UBE2K: variants seen among roughly 807,000 people sequenced by gnomAD.
UBE2K encodes ubiquitin conjugating enzyme E2 K.
In UBE2K, 6 loss-of-function variants were observed where a neutral mutation model predicts 30.0. That is an observed-to-expected ratio of 0.20 (90% CI 0.11 to 0.39). UBE2K has a LOEUF of 0.39. UBE2K is among the 10% of genes least tolerant of loss of function. The pLI is 1.00. For synonymous variants in UBE2K, 86 were observed against 83.7 expected, an observed-to-expected ratio of 1.03 and a Z score of -0.15; for missense variants, 61 against 241.6, an observed-to-expected ratio of 0.25 and a Z score of 4.96.
At chr4:39,751,092 T>C (rs1445630692) in intron 3 of UBE2K, among the ~76,000 whole-genome samples, 1 of 150,722 alleles carries the variant, frequency 6.6e-6, no homozygotes, top group African/African-American at 2.4e-5. Flanking sequence ...TTCAAAATTC[T>C]TTTTTCTTTT....
intron 2 of UBE2K, 144 bp from the exon 3 acceptor site, chr4:39,745,608 G>C (rs1425798670): frequency 4.9e-6 from 3 of 608,588 alleles, no homozygotes; most frequent in Non-Finnish European, 8.5e-6. Flanking sequence ...TAGTGCTTTT[G>C]ATTACTTTCT....
At position 39,757,011 on chromosome 4, in the gene UBE2K, G is replaced by GTTTTTTTTTT. The variant is rs1354761879; in HGVS notation, c.299+1278_299+1279insTTTTTTTTTT. Among the ~76,000 whole-genome samples the GTTTTTTTTTT allele has an allele frequency of 1.1e-3, 84 of 76,816 alleles. 4 individuals carry two copies. The highest frequency in any genetic ancestry group is 2.5e-3 in the East Asian group (5 of 2,010). The allele number at this position is 76,816 out of a possible 152,430, so 50.4% of individuals were successfully genotyped here. A position where few individuals can be genotyped will look rare whatever the true frequency, so the allele number is the denominator to read the frequency against. On this transcript the variant is annotated intron_variant, in intron 4 of 6. Coordinates refer to ENST00000261427, the MANE Select transcript of UBE2K (RefSeq NM_005339.5). ...ATGTTTTTTTGGGTGTTTTTTTTTT[G>GTTTTTTTTTT]TTTTTTGTTTTTTGTTTTTTGTTTT...
Position 39,753,546 on chromosome 4 carries a change from C to T in UBE2K, c.217-2111C>T, listed in dbSNP as rs188767155. Among the ~76,000 whole-genome samples the T allele has an allele frequency of 3.9e-5, 6 of 152,064 alleles. No individual in the cohort carries two copies. The East Asian group carries it at 9.7e-4, about 25-fold the overall frequency. On this transcript the variant is annotated intron_variant, in intron 3 of 6. Transcript: ENST00000261427. ...GGATACAGTGTCTTTTAGGGAAGAC[C>T]GGACAAACAAGGCAGAAATCACAGA...
chr4:39,758,723 TC>T (rs1711664740), intron 4 of UBE2K, among the ~76,000 whole-genome samples: 1 of 151,988 alleles, frequency 6.6e-6, no homozygotes, highest in South Asian at 2.1e-4. Flanking sequence ...GATGAAAACT[TC>T]CCATTGACTT....
chr4:39,747,785 T>TTTG (rs1054044884), intron 3 of UBE2K, among the ~76,000 whole-genome samples: 5 of 151,698 alleles, frequency 3.3e-5, no homozygotes, highest in South Asian at 2.1e-4. Flanking sequence ...CCCGGCTAAT[T>TTTG]TTGTTGTTGT....
In UBE2K at chr4:39,774,294, A is replaced by G. The variant is rs575051210; in HGVS notation, c.300-540A>G. Among the ~76,000 whole-genome samples the G allele has an allele frequency of 2.6e-5, 4 of 151,860 alleles. No homozygotes were observed. In the East Asian group the frequency reaches 7.7e-4, roughly 29 times the overall value. ...CCACTCCAGCCTGAGCGGCAGAGCAAGACACTGTCATTAAAAAAAAGAAAA... is the reference window on the plus strand; with the variant it reads ...CCACTCCAGCCTGAGCGGCAGAGCAGGACACTGTCATTAAAAAAAAGAAAA... On this transcript the variant is annotated intron_variant, in intron 4 of 6. Transcript: ENST00000261427.
At chr4:39,715,098 T>C (rs1174382671) in intron 1 of UBE2K, among the ~76,000 whole-genome samples, 1 of 149,024 alleles carries the variant, frequency 6.7e-6, no homozygotes, top group African/African-American at 2.5e-5. Flanking sequence ...CGATCTCGGC[T>C]CACTGCAAGC....
intron 4 of UBE2K, chr4:39,770,529 C>A: frequency 6.2e-7 from 1 of 1,603,468 alleles, no homozygotes; most frequent in East Asian, 2.2e-5. Flanking sequence ...CCCCGCCCCC[C>A]GGGCAACCAT....
At chr4:39,714,576 C>G (rs1447520560) in intron 1 of UBE2K, 1 of 46,684 alleles carries the variant, frequency 2.1e-5, no homozygotes, top group Non-Finnish European at 3.9e-5. Context: ...AAGACTGAGT[C>G]TCTCTCTGTT....
chr4:39,775,450 G>A (rs1262506366), intron 5 of UBE2K, among the ~76,000 whole-genome samples: 1 of 152,162 alleles, frequency 6.6e-6, no homozygotes, highest in African/African-American at 2.4e-5. Flanking sequence ...TATCTGACCT[G>A]TTAAGAAACA....
chr4:39,731,144 C>A (rs1176785047), intron 1 of UBE2K, among the ~76,000 whole-genome samples: 1 of 152,124 alleles, frequency 6.6e-6, no homozygotes, highest in East Asian at 1.9e-4. Flanking sequence ...CCGCCTGCCT[C>A]AGCCTCCCAA....
At chr4:39,748,638 AAAAG>A (rs1344547167) in intron 3 of UBE2K, among the ~76,000 whole-genome samples, 10 of 151,844 alleles carry the variant, frequency 6.6e-5, no homozygotes, top group East Asian at 1.9e-4. Context: ...AAAAAAAAGA[AAAAG>A]AAAAGCCTCT....
chr4:39,760,129 A>G (rs574721663), intron 4 of UBE2K, among the ~76,000 whole-genome samples: 6 of 133,012 alleles, frequency 4.5e-5, no homozygotes, highest in Non-Finnish European at 7.7e-5. Context: ...GTGAGCCGAC[A>G]TCGCGCCACT....
At chr4:39,701,307 TATTA>T (rs1431566354) in intron 1 of UBE2K, among the ~76,000 whole-genome samples, 1 of 152,220 alleles carries the variant, frequency 6.6e-6, no homozygotes, top group African/African-American at 2.4e-5. Context: ...ATAAGTAAAT[TATTA>T]ATTGTGAGGA....
At chr4:39,741,104 C>T (rs1720678494) in intron 2 of UBE2K, among the ~76,000 whole-genome samples, 1 of 151,760 alleles carries the variant, frequency 6.6e-6, no homozygotes, top group Admixed American at 6.6e-5. Context: ...AACTCCATCT[C>T]TACTAAAAAT....
At chr4:39,728,799 C>T (rs1358182174) in intron 1 of UBE2K, among the ~76,000 whole-genome samples, 6 of 150,270 alleles carry the variant, frequency 4.0e-5, no homozygotes, top group East Asian at 2.0e-4. Flanking sequence ...CCACCACGCC[C>T]GGCTAGTAGG....
intron 3 of UBE2K, among the ~76,000 whole-genome samples, chr4:39,750,458 A>G (rs1030759416): frequency 6.6e-6 from 1 of 152,124 alleles, no homozygotes; most frequent in Non-Finnish European, 1.5e-5. Context: ...TAGTGTTCAG[A>G]TTTCCGTTTT....
intron 4 of UBE2K, among the ~76,000 whole-genome samples, chr4:39,760,333 A>C (rs1046571009): frequency 3.9e-5 from 6 of 152,122 alleles, no homozygotes; most frequent in African/African-American, 1.2e-4. Flanking sequence ...GTCTATGCCT[A>C]CTTTTTAAAA....
intron 3 of UBE2K, among the ~76,000 whole-genome samples, chr4:39,746,273 G>GA (rs917017028): frequency 4.7e-4 from 71 of 151,824 alleles, no homozygotes; most frequent in African/African-American, 1.7e-3. Flanking sequence ...TTATAGTGGG[G>GA]AAAAAAAACT....
Sources: allele counts gnomAD v4.1 joint callset (sites outside exome capture counted in the v4.1 genomes callset), GRCh38; gene constraint gnomAD v4.1.1; transcripts MANE v1.5; gene names NCBI Gene and HGNC (gene_info 2026-07-23, HGNC 2026-07-21).